The following HSDL1 variants were observed in gnomAD, a reference collection of about 807,000 sequenced individuals.
HSDL1 encodes hydroxysteroid dehydrogenase like 1.
HSDL1 carries 29 observed loss-of-function variants against 31.5 expected under a neutral mutation model. The observed-to-expected ratio is 0.92, with a 90% CI of 0.69 to 1.26. The LOEUF is 1.26. Ranked by LOEUF, HSDL1 falls within the 50% of genes most tolerant of loss-of-function variation. The pLI, the probability that HSDL1 is intolerant of heterozygous loss-of-function variation, is 0.00. For synonymous variants in HSDL1, 222 were observed against 155.2 expected (o/e 1.43, Z -3.20); for missense variants, 503 against 416.6 (o/e 1.21, Z -1.81).
intron 1 of HSDL1, among the ~76,000 whole-genome samples, chr16:84,135,924 G>C (rs1022494447): frequency 6.6e-6 from 1 of 152,152 alleles, no homozygotes; most frequent in African/African-American, 2.4e-5. Flanking sequence ...CCAATCCCAG[G>C]AGCCCTTGGG....
intron 5 of HSDL1, among the ~76,000 whole-genome samples, chr16:84,125,373 T>TCAATCACAAC (rs2086595970): frequency 7.5e-6 from 1 of 134,072 alleles, no homozygotes; most frequent in Non-Finnish European, 1.6e-5. Context: ...TCAATCACAA[T>TCAATCACAAC]ACCCACCAAT....
At chr16:84,138,427 T>C (rs1416419325) in intron 1 of HSDL1, among the ~76,000 whole-genome samples, 1 of 152,144 alleles carries the variant, frequency 6.6e-6, no homozygotes, top group African/African-American at 2.4e-5. Flanking sequence ...CAATACCAAA[T>C]TGTAGGCTTA....
chr16:84,130,017 G>A lies in HSDL1; in HGVS notation c.635C>T (p.Thr212Ile), dbSNP rs1403570415. The change falls in exon 4 of 6, where the codon ACT becomes ATT. Residue 212 changes from threonine to isoleucine, a missense_variant. Physicochemically the swap from Thr to Ile is moderately conservative, Grantham distance 89. Coordinates refer to ENST00000219439, the MANE Select transcript of HSDL1 (RefSeq NM_031463.5). ...AGCAGAAAATGCAGCCAGCTGAGGA[G>A]TGGGTTTGCAGCAGGAGCCAGAAGA... ...TISSGSCCKP[T>I]PQLAAFSASK... is the part of the protein sequence containing the mutation. 1.9e-6 allele frequency: 3 copies of A among 1,614,048 alleles called. No individual in the cohort carries two copies. The highest frequency in any genetic ancestry group is 1.1e-5 in the South Asian group (1 of 91,072).
intron 1 of HSDL1, among the ~76,000 whole-genome samples, chr16:84,136,995 C>T (rs1316998773): frequency 5.9e-5 from 9 of 152,164 alleles, no homozygotes; most frequent in Admixed American, 3.3e-4. Flanking sequence ...GGCCTAAACA[C>T]ACACGGTCAC....
chr16:84,140,432 T>C (rs192559413), intron 1 of HSDL1, among the ~76,000 whole-genome samples: 34 of 152,114 alleles, frequency 2.2e-4, no homozygotes, highest in Non-Finnish European at 4.0e-4. Flanking sequence ...GCCCAGCTAA[T>C]TTTTGTATTT....
chr16:84,128,338 T>C (rs1481977488), intron 5 of HSDL1, among the ~76,000 whole-genome samples: 1 of 151,936 alleles, frequency 6.6e-6, no homozygotes, highest in Non-Finnish European at 1.5e-5. Context: ...CTACACCAGA[T>C]AAAGGAACTG....
intron 1 of HSDL1, among the ~76,000 whole-genome samples, 194 bp downstream of exon 1, chr16:84,144,886 G>A (rs1467301367): frequency 6.6e-6 from 1 of 151,656 alleles, no homozygotes; most frequent in Non-Finnish European, 1.5e-5. Flanking sequence ...GGGACGGAGG[G>A]ACGAAGATTT....
chr16:84,133,012 T>C (rs909505783), intron 2 of HSDL1, among the ~76,000 whole-genome samples: 1 of 139,524 alleles, frequency 7.2e-6, no homozygotes, highest in Non-Finnish European at 1.6e-5. Flanking sequence ...ACTAAGAAAA[T>C]ACCCAACAAT....
chr16:84,133,607 G>A (rs1453282508), intron 2 of HSDL1, among the ~76,000 whole-genome samples: 1 of 152,210 alleles, frequency 6.6e-6, no homozygotes, highest in African/African-American at 2.4e-5. Context: ...GTGGGCACAT[G>A]TAATCCCAGC....
chr16:84,124,751 T>C (rs1183168481), intron 5 of HSDL1, 23 bp from the exon 6 acceptor site: 31 of 1,574,532 alleles, frequency 2.0e-5, no homozygotes, highest in Non-Finnish European at 2.5e-5. Flanking sequence ...GAGAAAAAGG[T>C]TGTAAGGTTA....
rs751701174 is a variant in HSDL1, at chr16:84,129,500, G to A, written c.894+48C>T. The stretch of plus-strand genomic sequence containing the variant: ...CAGATTTCTCTGTATCACTGAGATA[G>A]GTTCATGATGCATTAATCTAATTAT... On this transcript the variant is annotated intron_variant, in intron 5 of 5. Transcript: ENST00000219439. 2.3e-6 allele frequency: 3 copies of A among 1,281,054 alleles called. No homozygotes were observed. In the East Asian group the frequency reaches 6.9e-5, roughly 30 times the overall value. The allele number at this position is 1,281,054 out of a possible 1,614,324, so 79.4% of individuals were successfully genotyped here.
chr16:84,130,577 T>C (rs2086653987), intron 3 of HSDL1, 146 bp from the exon 4 acceptor site: 1 of 650,830 alleles, frequency 1.5e-6, no homozygotes, highest in East Asian at 2.7e-5. Flanking sequence ...TCAAGGACAC[T>C]GTTGCTGAAT....
At chr16:84,126,058 G>T (rs1184661127) in intron 5 of HSDL1, among the ~76,000 whole-genome samples, 4 of 150,352 alleles carry the variant, frequency 2.7e-5, no homozygotes, top group Admixed American at 6.6e-5. Context: ...AGCCGAGATC[G>T]CGGCACTGCA....
In HSDL1 at chr16:84,131,178, G is replaced by T. The variant is rs140132616; in HGVS notation, c.144C>A (p.Ile48=). The part of the protein sequence containing the change: ...ITVICDFYSL[I]RLHFIPRLGS... ...CCAGGCGGGGGATAAAATGCAGCCT[G>T]ATCAGGCTGTAAAAGTCACAGATGA... is the stretch of plus-strand genomic sequence containing the variant. The change falls in exon 3 of 6, where the codon ATC becomes ATA. Residue 48 remains isoleucine (I), a synonymous_variant. Transcript: ENST00000219439. 1 of 1,614,084 alleles carries T rather than the reference G, an allele frequency of 6.2e-7. No homozygotes were observed. The highest frequency in any genetic ancestry group is 1.3e-5 in the African/African-American group (1 of 74,940).
At chr16:84,143,711 A>C (rs2086794910) in intron 1 of HSDL1, among the ~76,000 whole-genome samples, 1 of 151,984 alleles carries the variant, frequency 6.6e-6, no homozygotes, top group Admixed American at 6.6e-5. Context: ...AAAACCACAA[A>C]CTTGGCCGGG....
At position 84,129,708 on chromosome 16, in the gene HSDL1, C is replaced by A; in HGVS notation, c.734G>T (p.Ser245Ile). The change falls in exon 5 of 6, where the codon AGT (serine) becomes ATT (isoleucine). Residue 245 changes from serine to isoleucine, a missense_variant. Coordinates refer to ENST00000219439, the MANE Select transcript of HSDL1 (RefSeq NM_031463.5). Reference sequence around the variant, plus strand: ...GGTGGCTACATAGAAAGGGATTAGACTCTGTACAAAGATTCCTTTAGAGGC... The same window carrying A: ...GGTGGCTACATAGAAAGGGATTAGAATCTGTACAAAGATTCCTTTAGAGGC... ...EYASKGIFVQSLIPFYVATSM... is the reference protein window; with the variant it reads ...EYASKGIFVQILIPFYVATSM... 3 of 1,614,182 alleles carry A rather than the reference C, an allele frequency of 1.9e-6. No individual in the cohort carries two copies. Among genetic ancestry groups the A allele is most frequent in the Non-Finnish European group, 2.5e-6 (3 of 1,180,038 alleles).
intron 5 of HSDL1, among the ~76,000 whole-genome samples, chr16:84,126,064 C>G (rs962122507): frequency 6.7e-6 from 1 of 148,720 alleles, no homozygotes. Flanking sequence ...GATCGCGGCA[C>G]TGCACTCCAG....
At position 84,129,748 on chromosome 16, in the gene HSDL1, A is replaced by G. The variant is rs151035220; in HGVS notation, c.694T>C (p.Leu232=). The part of the protein sequence containing the change: ...KAYLDHFSRA[L]QYEYASKGIF... ...CCTTTAGAGGCATATTCATATTGCA[A>G]GGCTCTGCTGAAGTGGTCTAAATAA... Residue 232 remains leucine, a synonymous_variant, in exon 5 of 6, where the codon TTG becomes CTG. Coordinates refer to ENST00000219439, the MANE Select transcript of HSDL1 (RefSeq NM_031463.5). 2.4e-4 allele frequency: 387 copies of G among 1,614,042 alleles called. 2 individuals are homozygous for G. The highest frequency in any genetic ancestry group is 5.9e-4 in the South Asian group (54 of 91,090).
chr16:84,140,803 A>C (rs2151192269), intron 1 of HSDL1, among the ~76,000 whole-genome samples: 1 of 152,182 alleles, frequency 6.6e-6, no homozygotes, highest in East Asian at 1.9e-4. Flanking sequence ...ATGTATTCTG[A>C]AACAGTAACA....
Sources: gnomAD v4.1 joint callset for allele counts (sites outside exome capture counted in the v4.1 genomes callset) on GRCh38, gnomAD v4.1.1 for gene constraint, MANE v1.5 for transcripts, NCBI Gene and HGNC (gene_info 2026-07-23, HGNC 2026-07-21) for gene names.